The following PIP4K2A variants were observed in gnomAD, a reference collection of about 807,000 sequenced individuals.
PIP4K2A encodes the protein phosphatidylinositol 5-phosphate 4-kinase type-2 alpha.
Under a neutral mutation model 42.9 loss-of-function variants are expected in PIP4K2A, and 14 were observed. The observed-to-expected ratio is 0.33, with a 90% CI of 0.22 to 0.51. PIP4K2A has a LOEUF of 0.51. PIP4K2A is among the 20% of genes least tolerant of loss of function. The pLI is 0.97. For synonymous variants in PIP4K2A, 192 were observed against 192.2 expected (o/e 1.00, Z 0.01); for missense variants, 434 against 519.8 (o/e 0.83, Z 1.61).
Position 22,540,011 on chromosome 10 carries a change from T to C in PIP4K2A, c.1100A>G (p.Lys367Arg). 1 of 1,613,102 alleles carries C rather than the reference T, an allele frequency of 6.2e-7. No homozygotes were observed. The highest frequency in any genetic ancestry group is 8.5e-7 in the Non-Finnish European group (1 of 1,179,094). The change falls in exon 9 of 10, where the codon AAA (lysine) becomes AGA (arginine). Residue 367 changes from lysine to arginine, a missense_variant. Physicochemically the swap from Lys to Arg is conservative, Grantham distance 26. This residue lies in a region of PIP4K2A where 39 missense variants were observed against 75.3 expected (regional missense o/e 0.52). Transcript: ENST00000376573. ...TTTTGCAGCATGGGCAGCTTTCTTTTTTGCATCATAATGAGTAAGGATGTC... is the reference window on the plus strand; with the variant it reads ...TTTTGCAGCATGGGCAGCTTTCTTTCTTGCATCATAATGAGTAAGGATGTC... ...IIDILTHYDA[K>R]KKAAHAAKTV...
chr10:22,664,115 AC>A (rs1839279178), intron 1 of PIP4K2A, among the ~76,000 whole-genome samples: 1 of 71,374 alleles, frequency 1.4e-5, no homozygotes, highest in African/African-American at 1.2e-4. Flanking sequence ...ATATATATAT[AC>A]ATATATATAT....
In PIP4K2A at chr10:22,541,951, C is replaced by T. The variant is rs556704343; in HGVS notation, c.889G>A (p.Asp297Asn). 2.7e-5 allele frequency: 44 copies of T among 1,614,068 alleles called. No individual in the cohort carries two copies. Among genetic ancestry groups the T allele is most frequent in the East Asian group, 2.2e-4 (10 of 44,876 alleles). The change falls in exon 8 of 10, where the codon GAT becomes AAT. Residue 297 changes from aspartate to asparagine, a missense_variant. Asp to Asn is a conservative substitution (Grantham distance 23). Around this residue, in one of 2 missense-constraint regions of PIP4K2A, gnomAD observed 395 missense variants for 444.5 expected, o/e 0.89. Coordinates refer to ENST00000376573, the MANE Select transcript of PIP4K2A (RefSeq NM_005028.5). ...TCGCTCTCGCCCTCCTCCTCCCCAT[C>T]GTTCTCCTCACACTCCACTTCCTCC... ...EQEEVECEEN[D>N]GEEEGESDGT...
intron 1 of PIP4K2A, among the ~76,000 whole-genome samples, chr10:22,627,843 C>CA (rs1257749891): frequency 6.6e-6 from 1 of 152,064 alleles, no homozygotes; most frequent in East Asian, 1.9e-4. Context: ...AGAATATAAG[C>CA]ATTAGCTGTC....
intron 1 of PIP4K2A, among the ~76,000 whole-genome samples, chr10:22,624,232 G>T (rs929702070): frequency 6.6e-6 from 1 of 152,086 alleles, no homozygotes; most frequent in African/African-American, 2.4e-5. Context: ...TCCTCTGCTA[G>T]GAAAAGACTA....
At chr10:22,714,162 G>C in intron 1 of PIP4K2A, 21 bp downstream of exon 1, 1 of 1,595,038 alleles carries the variant, frequency 6.3e-7, no homozygotes, top group Non-Finnish European at 8.6e-7. Flanking sequence ...AGGGGACCGC[G>C]CGCCGCAGCT....
At chr10:22,580,260 G>A (rs900333326) in intron 4 of PIP4K2A, among the ~76,000 whole-genome samples, 4 of 152,020 alleles carry the variant, frequency 2.6e-5, no homozygotes, top group Non-Finnish European at 5.9e-5. Context: ...TCTATCTTAT[G>A]TTGCTTCTAG....
intron 4 of PIP4K2A, among the ~76,000 whole-genome samples, chr10:22,576,405 G>A (rs947859822): frequency 7.9e-5 from 12 of 152,258 alleles, no homozygotes; most frequent in African/African-American, 2.4e-4. Context: ...GCACAAACTC[G>A]TAACACCAGC....
chr10:22,667,174 T>C (rs1250081219), intron 1 of PIP4K2A, among the ~76,000 whole-genome samples: 2 of 152,202 alleles, frequency 1.3e-5, no homozygotes, highest in Non-Finnish European at 2.9e-5. Context: ...TGAAAGTGGG[T>C]ACTAACGGTT....
At chr10:22,615,807 C>G (rs994694135) in intron 1 of PIP4K2A, among the ~76,000 whole-genome samples, 1 of 152,202 alleles carries the variant, frequency 6.6e-6, no homozygotes, top group South Asian at 2.1e-4. Flanking sequence ...CTTTGGCAAA[C>G]ACAGTATAGT....
chr10:22,710,287 G>A (rs542062766), intron 1 of PIP4K2A, among the ~76,000 whole-genome samples: 21 of 152,250 alleles, frequency 1.4e-4, no homozygotes, highest in Non-Finnish European at 2.2e-4. Context: ...TCTATTACTC[G>A]GACAGAGACC....
At chr10:22,698,008 CCA>C (rs1316428002) in intron 1 of PIP4K2A, among the ~76,000 whole-genome samples, 1 of 152,164 alleles carries the variant, frequency 6.6e-6, no homozygotes. Context: ...AATTAACCAA[CCA>C]CAGACAGTGG....
intron 1 of PIP4K2A, among the ~76,000 whole-genome samples, chr10:22,683,661 T>C (rs1177177131): frequency 6.6e-6 from 1 of 152,146 alleles, no homozygotes; most frequent in Non-Finnish European, 1.5e-5. Context: ...TTCTGCAGGG[T>C]TTGATAAAGA....
intron 1 of PIP4K2A, among the ~76,000 whole-genome samples, chr10:22,708,854 C>G (rs763622038): frequency 2.0e-5 from 3 of 152,234 alleles, no homozygotes; most frequent in Non-Finnish European, 2.9e-5. Flanking sequence ...ACAACCATGG[C>G]TCCCTGCAGC....
chr10:22,566,507 C>A (rs1385601621), intron 6 of PIP4K2A, among the ~76,000 whole-genome samples: 2 of 152,154 alleles, frequency 1.3e-5, no homozygotes, highest in African/African-American at 4.8e-5. Context: ...CACTCAATCC[C>A]TCAGTTCTGT....
At chr10:22,629,903 G>T (rs1022423752) in intron 1 of PIP4K2A, among the ~76,000 whole-genome samples, 2 of 151,952 alleles carry the variant, frequency 1.3e-5, no homozygotes, top group African/African-American at 4.8e-5. Context: ...TTCAAAACAG[G>T]ATTAAGAAAA....
intron 4 of PIP4K2A, among the ~76,000 whole-genome samples, chr10:22,580,973 T>C (rs1837262832): frequency 6.6e-6 from 1 of 152,064 alleles, no homozygotes; most frequent in Non-Finnish European, 1.5e-5. Context: ...CACTTTGAAG[T>C]CCCAAGGCAG....
chr10:22,635,108 A>T (rs1347308518), intron 1 of PIP4K2A, among the ~76,000 whole-genome samples: 1 of 152,126 alleles, frequency 6.6e-6, no homozygotes, highest in Non-Finnish European at 1.5e-5. Flanking sequence ...GCAGAGGTGA[A>T]GCACGACAGA....
rs554338475 is a variant in PIP4K2A at position 22,610,640 on chromosome 10, C to T, written c.145-923G>A. ...GACAGTAGAGGCAATCTCCAAGACA[C>T]CTTTCTTCCCCCAAAGTGAGTTTAA... On this transcript the variant is annotated intron_variant, in intron 1 of 9. Transcript: ENST00000376573. Among the ~76,000 whole-genome samples the T allele has an allele frequency of 5.3e-5, 8 of 150,994 alleles. No individual in the cohort carries two copies. The South Asian group carries it at 1.7e-3, about 31-fold the overall frequency.
At chr10:22,613,531 G>A (rs1838103969) in intron 1 of PIP4K2A, among the ~76,000 whole-genome samples, 1 of 152,152 alleles carries the variant, frequency 6.6e-6, no homozygotes, top group African/African-American at 2.4e-5. Context: ...CCGACCACTG[G>A]CTCCTATTTT....
Sources: gnomAD v4.1 joint callset for allele counts (sites outside exome capture counted in the v4.1 genomes callset) on GRCh38, gnomAD v4.1.1 for gene constraint, gnomAD v4.1.1 regional missense constraint, MANE v1.5 for transcripts, NCBI Gene and HGNC (gene_info 2026-07-23, HGNC 2026-07-21) for gene names.